DISC1: variants seen among roughly 807,000 people sequenced by gnomAD.
DISC1 encodes disrupted in schizophrenia 1 protein.
DISC1 carries 57 observed loss-of-function variants against 84.5 expected under a neutral mutation model. That is an observed-to-expected ratio of 0.67 (90% CI 0.55 to 0.84). The LOEUF (loss-of-function observed/expected upper bound fraction) is 0.84. Among genes scored for constraint, DISC1 ranks in the 40% least tolerant of loss-of-function variants. The pLI is 0.00. For synonymous variants in DISC1, 411 were observed against 415.2 expected, an observed-to-expected ratio of 0.99 and a Z score of 0.12; for missense variants, 1,000 against 1,057.8, an observed-to-expected ratio of 0.95 and a Z score of 0.76.
At chr1:231,814,308 C>T (rs961637875) in intron 8 of DISC1, among the ~76,000 whole-genome samples, 1 of 152,066 alleles carries the variant, frequency 6.6e-6, no homozygotes, top group Non-Finnish European at 1.5e-5. Context: ...AAGGAGACAA[C>T]AATATGAATT....
intron 6 of DISC1, among the ~76,000 whole-genome samples, chr1:231,777,540 C>CA (rs1408634633): frequency 1.3e-5 from 2 of 152,108 alleles, no homozygotes; most frequent in Non-Finnish European, 2.9e-5. Flanking sequence ...GTAAAGTAGA[C>CA]ATCTTGCTTT....
chr1:231,863,302 C>G (rs2084815164), intron 9 of DISC1, among the ~76,000 whole-genome samples: 2 of 131,650 alleles, frequency 1.5e-5, no homozygotes, highest in Admixed American at 1.8e-4. Context: ...GCGATCTTGG[C>G]TCACTGCGGT....
rs563127981 is a variant in DISC1 at position 231,705,638 on chromosome 1, T to C, written c.1117+3614T>C. Among the ~76,000 whole-genome samples the C allele has an allele frequency of 3.9e-5, 6 of 152,258 alleles. 1 individual carries two copies. Among genetic ancestry groups the C allele is most frequent in the African/African-American group, 1.4e-4 (6 of 41,516 alleles). On this transcript the variant is annotated intron_variant, in intron 3 of 12. Transcript: ENST00000439617. Reference sequence around the variant, plus strand: ...TGGTAAATTATTTTAAATTGATCACTAAGTCATTAGGAAAGTTTGGAAGAC... The same window carrying C: ...TGGTAAATTATTTTAAATTGATCACCAAGTCATTAGGAAAGTTTGGAAGAC...
Position 231,958,975 on chromosome 1 carries a change from G to A in DISC1, c.2042+87G>A, listed in dbSNP as rs1296875773. On this transcript the variant is annotated intron_variant, in intron 10 of 12. Transcript: ENST00000439617. ...GAATTTAGTTAAATCGATGAAAAAG[G>A]CTGGCCAGTTTCTCTAATAAATTAA... The A allele has an allele frequency of 2.7e-6, 4 of 1,504,052 alleles. No individual in the cohort carries two copies. The East Asian group carries it at 7.3e-5, about 27-fold the overall frequency. 93.2% of individuals were successfully genotyped at this position (1,504,052 alleles called of 1,614,324 possible). A position where few individuals can be genotyped will look rare whatever the true frequency, so the allele number is the denominator to read the frequency against.
intron 10 of DISC1, among the ~76,000 whole-genome samples, chr1:231,963,587 C>T (rs972438544): frequency 6.6e-6 from 1 of 152,050 alleles, no homozygotes; most frequent in African/African-American, 2.4e-5. Context: ...CTCCTCTGTG[C>T]AACCTTCCCT....
At chr1:231,978,931 G>A (rs189034381) in intron 10 of DISC1, among the ~76,000 whole-genome samples, 49 of 152,296 alleles carry the variant, frequency 3.2e-4, no homozygotes, top group African/African-American at 1.2e-3. Flanking sequence ...TTGAGAACCG[G>A]GCTGCACAGC....
In DISC1 at chr1:231,856,361, G is replaced by A. The variant is rs145613773; in HGVS notation, c.1981+37844G>A. 4.3e-4 allele frequency among the ~76,000 whole-genome samples: 66 copies of A among 152,138 alleles called. No homozygotes were observed. The East Asian group carries it at 0.011, about 24-fold the overall frequency. Reference sequence around the variant, plus strand: ...CCTATTCTGCTTCCCCTCTGTTCTCGGGGTGCCCATTAAAATGCAGTTGGT... The same window carrying A: ...CCTATTCTGCTTCCCCTCTGTTCTCAGGGTGCCCATTAAAATGCAGTTGGT... On this transcript the variant is annotated intron_variant, in intron 9 of 12. Coordinates refer to ENST00000439617, the MANE Select transcript of DISC1 (RefSeq NM_018662.3).
At chr1:231,759,933 T>C (rs1340464505) in intron 4 of DISC1, among the ~76,000 whole-genome samples, 1 of 152,144 alleles carries the variant, frequency 6.6e-6, no homozygotes, top group African/African-American at 2.4e-5. Context: ...TTTGGAACTA[T>C]TGGATTATAA....
At chr1:231,898,515 A>G (rs74144182) in intron 9 of DISC1, among the ~76,000 whole-genome samples, 1,675 of 152,312 alleles carry the variant, frequency 0.011, 25 homozygotes, top group African/African-American at 0.038. Flanking sequence ...AAACCTGGAC[A>G]TTTACTTCTT....
chr1:231,949,058 C>T (rs976497885), intron 9 of DISC1, among the ~76,000 whole-genome samples: 2 of 151,754 alleles, frequency 1.3e-5, no homozygotes, highest in Non-Finnish European at 2.9e-5. Flanking sequence ...TTAGTAGAGA[C>T]GGGGTTTCAC....
intron 9 of DISC1, among the ~76,000 whole-genome samples, chr1:231,903,910 G>A (rs118149750): frequency 1.3e-5 from 2 of 152,368 alleles, no homozygotes; most frequent in East Asian, 3.9e-4. Flanking sequence ...AGATTGTTCT[G>A]TTGCTGCAGT....
At chr1:232,026,755 C>CTTTTTTCT in intron 12 of DISC1, among the ~76,000 whole-genome samples, 1 of 120,406 alleles carries the variant, frequency 8.3e-6, no homozygotes, top group African/African-American at 3.4e-5. Context: ...TATTTTTTTT[C>CTTTTTTCT]TTTTTTCTTT....
intron 1 of DISC1, among the ~76,000 whole-genome samples, chr1:231,632,468 A>C (rs915377226): frequency 6.6e-6 from 1 of 152,228 alleles, no homozygotes; most frequent in Non-Finnish European, 1.5e-5. Context: ...AGAGAAATGC[A>C]AATAAGACAG....
At chr1:231,880,756 T>TGG (rs3084383) in intron 9 of DISC1, among the ~76,000 whole-genome samples, 1 of 150,618 alleles carries the variant, frequency 6.6e-6, no homozygotes. Context: ...CAAGGCAAGG[T>TGG]GGGGGGGGGG....
At chr1:231,927,986 CT>C (rs1308562404) in intron 9 of DISC1, among the ~76,000 whole-genome samples, 6 of 152,196 alleles carry the variant, frequency 3.9e-5, no homozygotes, top group Non-Finnish European at 1.5e-5. Flanking sequence ...TAGGAACTCC[CT>C]TCAGCAGTTC....
chr1:231,924,658 A>ATTT (rs1338480700), intron 9 of DISC1, among the ~76,000 whole-genome samples: 1 of 142,388 alleles, frequency 7.0e-6, no homozygotes, highest in Non-Finnish European at 1.5e-5. Context: ...ATTTGCAACA[A>ATTT]TTTTTTTTTT....
intron 3 of DISC1, among the ~76,000 whole-genome samples, chr1:231,721,779 A>C (rs2069750831): frequency 2.0e-5 from 3 of 152,162 alleles, no homozygotes; most frequent in Non-Finnish European, 4.4e-5. Flanking sequence ...ATTTCATCTC[A>C]AAAAGGGCTC....
intron 4 of DISC1, among the ~76,000 whole-genome samples, chr1:231,755,764 C>G (rs1226253671): frequency 6.6e-6 from 1 of 152,214 alleles, no homozygotes; most frequent in Admixed American, 6.5e-5. Flanking sequence ...CCATCCCTCC[C>G]CACAGTCATT....
intron 9 of DISC1, among the ~76,000 whole-genome samples, chr1:231,955,094 A>C (rs559317804): frequency 1.3e-5 from 2 of 151,670 alleles, no homozygotes; most frequent in East Asian, 1.9e-4. Flanking sequence ...CTTTTTAAAC[A>C]TAAGAATATG....
Sources: gnomAD v4.1 joint callset for allele counts (sites outside exome capture counted in the v4.1 genomes callset) on GRCh38, gnomAD v4.1.1 for gene constraint, MANE v1.5 for transcripts, NCBI Gene and HGNC (gene_info 2026-07-23, HGNC 2026-07-21) for gene names.